Variants in MYH9 observed in about 807,000 individuals in gnomAD.
MYH9 encodes the protein myosin heavy chain 9.
Under a neutral mutation model 241.9 loss-of-function variants are expected in MYH9, and 29 were observed. The observed-to-expected ratio is 0.12, with a 90% CI of 0.09 to 0.16. The LOEUF is 0.16. Among genes scored for constraint, MYH9 ranks in the 10% least tolerant of loss-of-function variants. The pLI is 1.00. For synonymous variants in MYH9, 1,047 were observed against 1,062.6 expected (o/e 0.99, Z 0.29); for missense variants, 1,803 against 2,595.5 (o/e 0.69, Z 6.63).
At chr22:36,384,611 A>AAT (rs753952544) in intron 1 of MYH9, among the ~76,000 whole-genome samples, 109 of 41,448 alleles carry the variant, frequency 2.6e-3, no homozygotes, top group African/African-American at 4.4e-3. Flanking sequence ...AAAAAAAAAA[A>AAT]ATATATATAT....
chr22:36,375,344 C>A (rs890769149), intron 1 of MYH9, among the ~76,000 whole-genome samples: 3 of 152,230 alleles, frequency 2.0e-5, no homozygotes, highest in Admixed American at 1.3e-4. Context: ...TTAGGACCAA[C>A]CACATTCATT....
At chr22:36,294,803 G>A in intron 27 of MYH9, 129 bp downstream of exon 27, 5 of 1,271,692 alleles carry the variant, frequency 3.9e-6, no homozygotes, top group Middle Eastern at 2.7e-4. Flanking sequence ...CCCCTTAGAA[G>A]GGGAGCCTGG....
Position 36,293,825 on chromosome 22 carries a change from G to A in MYH9, c.3876C>T (p.Ser1292=), listed in dbSNP as rs747334129. ...TGGTGAGCTTGCTGGACTTGCTGTC[G>A]GACTGGCTGAGAAGCCCGGTCACGT... ...LDNVTGLLSQ[S]DSKSSKLTKD... The change falls in exon 29 of 41, where the codon TCC becomes TCT. Residue 1292 remains serine (S), a synonymous_variant. Transcript: ENST00000216181. The surrounding 1 kb of genome is among the most constrained non-coding windows in gnomAD (Gnocchi z 5.1). 4.7e-5 allele frequency: 76 copies of A among 1,613,798 alleles called. No individual in the cohort carries two copies. In the South Asian group the frequency reaches 4.7e-4, roughly 10 times the overall value.
intron 2 of MYH9, among the ~76,000 whole-genome samples, chr22:36,341,957 A>G (rs759742204): frequency 5.3e-5 from 8 of 152,238 alleles, no homozygotes; most frequent in Non-Finnish European, 8.8e-5. Context: ...ATCATTCCAC[A>G]CTGAAGGACG....
intron 38 of MYH9, among the ~76,000 whole-genome samples, chr22:36,284,774 G>T (rs953609819): frequency 1.2e-4 from 19 of 152,158 alleles, no homozygotes; most frequent in African/African-American, 4.6e-4. Flanking sequence ...AGGTCTGGGG[G>T]CCTACTGTAA....
chr22:36,321,173 G>C (rs2017244993), intron 7 of MYH9, among the ~76,000 whole-genome samples: 1 of 152,166 alleles, frequency 6.6e-6, no homozygotes, highest in Non-Finnish European at 1.5e-5. Context: ...TTGAACTCCT[G>C]ACCTCAGGTG....
At chr22:36,381,849 C>A (rs1197348615) in intron 1 of MYH9, among the ~76,000 whole-genome samples, 1 of 152,166 alleles carries the variant, frequency 6.6e-6, no homozygotes, top group African/African-American at 2.4e-5. Context: ...TTCCTGTCAT[C>A]TTCTATGTCA....
At chr22:36,313,794 G>A (rs2017106095) in intron 13 of MYH9, among the ~76,000 whole-genome samples, 1 of 152,174 alleles carries the variant, frequency 6.6e-6, no homozygotes, top group South Asian at 2.1e-4. Flanking sequence ...ATGCATGGCT[G>A]TTTCTTTAAG....
chr22:36,286,571 G>A, intron 35 of MYH9, 147 bp downstream of exon 35: 8 of 1,144,790 alleles, frequency 7.0e-6, no homozygotes, highest in Non-Finnish European at 8.9e-6. Flanking sequence ...CGGAACCCTG[G>A]AGGGAATCCT....
rs371086158 is a variant in MYH9, at chr22:36,349,288, T to C, written c.-19-33A>G. ...GGGAGGAGAAGGACAACACATTACATACAACTACGTCAGCCACACAAGATC... is the reference window on the plus strand; with the variant it reads ...GGGAGGAGAAGGACAACACATTACACACAACTACGTCAGCCACACAAGATC... On this transcript the variant is annotated intron_variant, in intron 1 of 40. Coordinates refer to ENST00000216181, the MANE Select transcript of MYH9 (RefSeq NM_002473.6). 1.1e-5 allele frequency: 16 copies of C among 1,508,450 alleles called. No individual in the cohort carries two copies. The East Asian group carries it at 1.6e-4, about 15-fold the overall frequency. The allele number at this position is 1,508,450 out of a possible 1,614,324, so 93.4% of individuals were successfully genotyped here. A position where few individuals can be genotyped will look rare whatever the true frequency, so the allele number is the denominator to read the frequency against.
Position 36,282,654 on chromosome 22 carries a change from G to A in MYH9, c.*14C>T. The stretch of plus-strand genomic sequence containing the variant: ...TCTGTCTGTCCATCCATCTCAGGCT[G>A]CAGGAGAAGAGGCTTATTCGGCAGG... On this transcript the variant is annotated 3_prime_UTR_variant, in exon 41 of 41. Coordinates refer to ENST00000216181, the MANE Select transcript of MYH9 (RefSeq NM_002473.6). 6.2e-7 allele frequency: 1 copy of A among 1,610,532 alleles called. No individual in the cohort carries two copies. Among genetic ancestry groups the A allele is most frequent in the Non-Finnish European group, 8.5e-7 (1 of 1,177,174 alleles).
intron 1 of MYH9, among the ~76,000 whole-genome samples, chr22:36,386,322 T>G (rs1392262373): frequency 2.0e-5 from 3 of 150,870 alleles, no homozygotes; most frequent in African/African-American, 7.3e-5. Context: ...ATTTGCTCAA[T>G]TACACATCTG....
At chr22:36,303,797 A>AG (rs2016925813) in intron 19 of MYH9, among the ~76,000 whole-genome samples, 198 bp downstream of exon 19, 1 of 151,552 alleles carries the variant, frequency 6.6e-6, no homozygotes, top group Non-Finnish European at 1.5e-5. Flanking sequence ...AAAAAAAAAA[A>AG]AAAAAAGAAA....
At chr22:36,296,808 C>T (rs181526330) in intron 25 of MYH9, 35 bp downstream of exon 25, 2 of 1,579,590 alleles carry the variant, frequency 1.3e-6, no homozygotes, top group East Asian at 2.3e-5. Context: ...CTGGCCCAGG[C>T]CACCTGGCCT....
chr22:36,307,745 G>A (rs150397074), intron 15 of MYH9, among the ~76,000 whole-genome samples: 560 of 152,272 alleles, frequency 3.7e-3, no homozygotes, highest in African/African-American at 0.013. Context: ...AAAGTTAGCT[G>A]GGCGTGGTGG....
intron 1 of MYH9, among the ~76,000 whole-genome samples, chr22:36,355,149 C>G (rs535428296): frequency 6.6e-6 from 1 of 152,096 alleles, no homozygotes; most frequent in African/African-American, 2.4e-5. Flanking sequence ...TCCTTCCCGC[C>G]GGCTTCCTGC....
intron 1 of MYH9, chr22:36,364,848 A>G (rs1371224269): frequency 6.6e-6 from 1 of 152,204 alleles, no homozygotes; most frequent in Non-Finnish European, 1.5e-5. Context: ...GGAATGCCAG[A>G]GCCACCACTT....
Position 36,306,687 on chromosome 22 carries a change from G to C in MYH9, c.1844-80C>G. 1 of 1,339,378 alleles carries C rather than the reference G, an allele frequency of 7.5e-7. No individual in the cohort carries two copies. Among genetic ancestry groups the C allele is most frequent in the African/African-American group, 1.4e-5 (1 of 69,292 alleles). 83.0% of individuals were successfully genotyped at this position (1,339,378 alleles called of 1,614,324 possible). On this transcript the variant is annotated intron_variant, in intron 15 of 40. Transcript: ENST00000216181. The surrounding 1 kb of genome is among the most constrained non-coding windows in gnomAD (Gnocchi z 4.1). Reference sequence around the variant, plus strand: ...GGGGAGCACGTAGGAGAGAGAGACAGGCACACGTCGGACAGGAAAAGAGGA... The same window carrying C: ...GGGGAGCACGTAGGAGAGAGAGACACGCACACGTCGGACAGGAAAAGAGGA...
In MYH9 at chr22:36,305,826, C is replaced by T. The variant is rs183101796; in HGVS notation, c.2159+104G>A. On this transcript the variant is annotated intron_variant, in intron 17 of 40. Transcript: ENST00000216181. This position sits in a 1 kb window ranked among gnomAD's most constrained non-coding sequence, Gnocchi z 4.7. ...TCAGTTCTACATGGATGGAGGACGT[C>T]GCTCCCTCACGACAGGATCCTGCCA... 486 of 1,517,312 alleles carry T rather than the reference C, an allele frequency of 3.2e-4. 1 individual carries two copies. The African/African-American group carries it at 5.6e-3, about 17-fold the overall frequency. 94.0% of individuals were successfully genotyped at this position (1,517,312 alleles called of 1,614,324 possible). A position where few individuals can be genotyped will look rare whatever the true frequency, so the allele number is the denominator to read the frequency against.
Sources: allele counts gnomAD v4.1 joint callset (sites outside exome capture counted in the v4.1 genomes callset), GRCh38; gene constraint gnomAD v4.1.1; non-coding constraint Gnocchi (gnomAD v3.1); transcripts MANE v1.5; gene names NCBI Gene and HGNC (gene_info 2026-07-23, HGNC 2026-07-21).